RNF214: variants seen among roughly 807,000 people sequenced by gnomAD.
RNF214 encodes ring finger protein 214.
A neutral mutation model predicts 75.9 loss-of-function variants in RNF214; 25 were observed. The ratio of observed to expected loss-of-function variants is 0.33; its 90% CI spans 0.24 to 0.46. RNF214 has a LOEUF of 0.46. Among genes scored for constraint, RNF214 ranks in the 20% least tolerant of loss-of-function variants. RNF214 has a pLI of 1.00. For missense variants in RNF214, 725 were observed against 857.5 expected, an observed-to-expected ratio of 0.85 and a Z score of 1.93; for synonymous variants, 314 against 308.8, an observed-to-expected ratio of 1.02 and a Z score of -0.18.
chr11:117,268,787 T>C (rs978749163), intron 6 of RNF214, among the ~76,000 whole-genome samples: 3 of 152,230 alleles, frequency 2.0e-5, no homozygotes, highest in East Asian at 3.8e-4. Flanking sequence ...ACAATTGACA[T>C]CTTAACAATA....
intron 2 of RNF214, 110 bp downstream of exon 2, chr11:117,234,489 T>C: frequency 1.4e-6 from 1 of 733,964 alleles, no homozygotes; most frequent in Non-Finnish European, 2.4e-6. Context: ...ACTAGCTTTT[T>C]AAAGGTACAG....
Position 117,285,277 on chromosome 11 carries a change from G to A in RNF214, c.*126G>A. The A allele has an allele frequency of 1.6e-6, 1 of 644,196 alleles. No homozygotes were observed. The allele number at this position is 644,196 out of a possible 1,614,324, so 39.9% of individuals were successfully genotyped here. ...TGCCATGTACATTTTTATTATATAGGTAATGTGTGTATAGAAAGTCTGTAT... is the reference window on the plus strand; with the variant it reads ...TGCCATGTACATTTTTATTATATAGATAATGTGTGTATAGAAAGTCTGTAT... On this transcript the variant is annotated 3_prime_UTR_variant, in exon 15 of 15. Transcript: ENST00000300650.
At chr11:117,266,823 A>T (rs985180405) in intron 6 of RNF214, among the ~76,000 whole-genome samples, 1 of 145,370 alleles carries the variant, frequency 6.9e-6, no homozygotes, top group African/African-American at 2.5e-5. Flanking sequence ...TCTATTTCTC[A>T]TATTGGATAA....
At chr11:117,262,711 G>GTGTGTGTGTGTA (rs1179183034) in intron 6 of RNF214, among the ~76,000 whole-genome samples, 1 of 151,188 alleles carries the variant, frequency 6.6e-6, no homozygotes, top group East Asian at 1.9e-4. Flanking sequence ...GGAACGTTGT[G>GTGTGTGTGTGTA]TGTGTGTGTG....
At chr11:117,267,438 G>T (rs1335574880) in intron 6 of RNF214, among the ~76,000 whole-genome samples, 1 of 152,046 alleles carries the variant, frequency 6.6e-6, no homozygotes, top group Non-Finnish European at 1.5e-5. Flanking sequence ...TTGGTCAGGT[G>T]CAATGGCTCA....
chr11:117,244,738 T>C (rs1294081330), intron 5 of RNF214, among the ~76,000 whole-genome samples, 153 bp downstream of exon 5: 1 of 152,010 alleles, frequency 6.6e-6, no homozygotes, highest in African/African-American at 2.4e-5. Context: ...TAATCTTGGC[T>C]CACTGCAGCC....
intron 8 of RNF214, among the ~76,000 whole-genome samples, chr11:117,280,596 C>T (rs2034107329): frequency 6.6e-6 from 1 of 152,132 alleles, no homozygotes; most frequent in Non-Finnish European, 1.5e-5. Flanking sequence ...CACTTGTGCC[C>T]AGGAGGCCGA....
intron 6 of RNF214, among the ~76,000 whole-genome samples, chr11:117,260,992 C>T (rs980607244): frequency 5.3e-5 from 8 of 151,016 alleles, no homozygotes; most frequent in Non-Finnish European, 1.0e-4. Flanking sequence ...TCTCTGAGTA[C>T]ACACAGTTTT....
intron 6 of RNF214, among the ~76,000 whole-genome samples, chr11:117,261,270 T>A (rs1203185290): frequency 6.6e-6 from 1 of 152,214 alleles, no homozygotes; most frequent in East Asian, 1.9e-4. Flanking sequence ...TTTTGTCAAA[T>A]GCTTTTTCTG....
chr11:117,270,013 A>G (rs2033875705), intron 6 of RNF214, among the ~76,000 whole-genome samples: 1 of 152,112 alleles, frequency 6.6e-6, no homozygotes, highest in South Asian at 2.1e-4. Flanking sequence ...CTTCTCTGGT[A>G]GTGAATCTTT....
intron 6 of RNF214, among the ~76,000 whole-genome samples, chr11:117,269,450 C>G (rs936036679): frequency 2.0e-5 from 3 of 152,142 alleles, no homozygotes; most frequent in Non-Finnish European, 4.4e-5. Flanking sequence ...CAGCCTCGAC[C>G]TCCCCAGGCT....
intron 1 of RNF214, 30 bp from the exon 2 acceptor site, chr11:117,234,237 G>A (rs749556954): frequency 2.8e-5 from 43 of 1,519,356 alleles, no homozygotes; most frequent in Non-Finnish European, 3.7e-5. Context: ...TTGGAAACTT[G>A]TAGCCTGTAA....
intron 6 of RNF214, among the ~76,000 whole-genome samples, chr11:117,263,171 G>A (rs2033710014): frequency 6.6e-6 from 1 of 151,514 alleles, no homozygotes; most frequent in Non-Finnish European, 1.5e-5. Context: ...TGTATTGTTA[G>A]ATACACATAC....
intron 6 of RNF214, among the ~76,000 whole-genome samples, chr11:117,259,435 T>G (rs2033605190): frequency 1.3e-5 from 2 of 152,226 alleles, no homozygotes; most frequent in African/African-American, 4.8e-5. Context: ...GGTAGATTCC[T>G]AGCATAATCT....
At chr11:117,248,830 A>C (rs1442433367) in intron 6 of RNF214, among the ~76,000 whole-genome samples, 1 of 152,220 alleles carries the variant, frequency 6.6e-6, no homozygotes, top group Non-Finnish European at 1.5e-5. Flanking sequence ...GGCATGTAGC[A>C]ACTTAACAGG....
At position 117,285,204 on chromosome 11, in the gene RNF214, G is replaced by A. The variant is rs2034228590; in HGVS notation, c.*53G>A. The A allele has an allele frequency of 2.4e-6, 3 of 1,246,450 alleles. No individual in the cohort carries two copies. Among genetic ancestry groups the A allele is most frequent in the Admixed American group, 1.7e-5 (1 of 58,356 alleles). The allele number at this position is 1,246,450 out of a possible 1,614,324, so 77.2% of individuals were successfully genotyped here. A position where few individuals can be genotyped will look rare whatever the true frequency, so the allele number is the denominator to read the frequency against. On this transcript the variant is annotated 3_prime_UTR_variant, in exon 15 of 15. Transcript: ENST00000300650. Reference sequence around the variant, plus strand: ...AGAAACTGATGTGAACAGGAAGCGCGGGTTCAAGATTTCTAAAACTCTATA... The same window carrying A: ...AGAAACTGATGTGAACAGGAAGCGCAGGTTCAAGATTTCTAAAACTCTATA...
At chr11:117,238,397 A>C (rs567129890) in intron 2 of RNF214, among the ~76,000 whole-genome samples, 25 of 152,128 alleles carry the variant, frequency 1.6e-4, no homozygotes, top group African/African-American at 5.8e-4. Context: ...AGAGTTTAGA[A>C]CCTCTCTAAA....
At chr11:117,261,282 A>G (rs946616727) in intron 6 of RNF214, among the ~76,000 whole-genome samples, 1 of 152,142 alleles carries the variant, frequency 6.6e-6, no homozygotes, top group Admixed American at 6.6e-5. Context: ...CTTTTTCTGC[A>G]TATTTATAAA....
At chr11:117,250,460 T>C (rs2033341399) in intron 6 of RNF214, among the ~76,000 whole-genome samples, 1 of 152,072 alleles carries the variant, frequency 6.6e-6, no homozygotes, top group Non-Finnish European at 1.5e-5. Flanking sequence ...TTTCATTATG[T>C]AGAAGGATGT....
Sources: allele counts gnomAD v4.1 joint callset (sites outside exome capture counted in the v4.1 genomes callset), GRCh38; gene constraint gnomAD v4.1.1; transcripts MANE v1.5; gene names NCBI Gene and HGNC (gene_info 2026-07-23, HGNC 2026-07-21).